The following TMOD2 variants were observed in gnomAD, a reference collection of about 807,000 sequenced individuals.
The protein encoded by TMOD2 is tropomodulin 2.
A neutral mutation model predicts 39.9 loss-of-function variants in TMOD2; 22 were observed. That is an observed-to-expected ratio of 0.55 (90% CI 0.39 to 0.79). TMOD2 has a LOEUF of 0.79. Among genes scored for constraint, TMOD2 ranks in the 30% least tolerant of loss-of-function variants. The probability of loss-of-function intolerance (pLI) is 0.00; values close to 1 mark genes in which losing one functional copy is unlikely to be tolerated. For missense variants in TMOD2, 386 were observed against 413.3 expected (o/e 0.93, Z 0.57); for synonymous variants, 123 against 146.1 (o/e 0.84, Z 1.14).
intron 7 of TMOD2, chr15:51,784,085 G>A (rs1282070325): frequency 6.6e-6 from 1 of 152,188 alleles, no homozygotes; most frequent in Non-Finnish European, 1.5e-5. Context: ...TGAGAAAACA[G>A]CTTCAGAGAG....
At position 51,754,913 on chromosome 15, in the gene TMOD2, A is replaced by G. The variant is rs1373558524; in HGVS notation, c.-70+3201A>G. Reference sequence around the variant, plus strand: ...ATCGTTACATGGAACCACCTTTGAGAAACTGCCTTTAATGCATTTTTGAGT... The same window carrying G: ...ATCGTTACATGGAACCACCTTTGAGGAACTGCCTTTAATGCATTTTTGAGT... On this transcript the variant is annotated intron_variant, in intron 1 of 9. Transcript: ENST00000249700. Among the ~76,000 whole-genome samples the G allele has an allele frequency of 3.3e-5, 5 of 152,384 alleles. No individual in the cohort carries two copies. The East Asian group carries it at 9.6e-4, about 29-fold the overall frequency.
chr15:51,792,986 C>T (rs1489168626), intron 7 of TMOD2, among the ~76,000 whole-genome samples: 1 of 151,980 alleles, frequency 6.6e-6, no homozygotes, highest in Admixed American at 6.6e-5. Flanking sequence ...GCATTCTGCA[C>T]ATGTAACCCA....
Position 51,781,140 on chromosome 15 carries a change from C to T in TMOD2, c.590C>T (p.Pro197Leu), listed in dbSNP as rs147446045. Residue 197 changes from proline to leucine, a missense_variant, in exon 6 of 10, where the codon CCT (proline) becomes CTT (leucine). By Grantham distance (98) the Pro-to-Leu change is moderately conservative. Coordinates refer to ENST00000249700, the MANE Select transcript of TMOD2 (RefSeq NM_014548.4). ...ISLQQMKANDPSLQEVNLNNI... is the reference protein window; with the variant it reads ...ISLQQMKANDLSLQEVNLNNI... ...CTGCAGCAGATGAAAGCCAATGATC[C>T]TAGCTTGCAAGAAGTCAACCTCAAC... 13 of 1,611,096 alleles carry T rather than the reference C, an allele frequency of 8.1e-6. No individual in the cohort carries two copies. Among genetic ancestry groups the T allele is most frequent in the Middle Eastern group, 1.7e-4 (1 of 6,054 alleles).
chr15:51,763,388 T>C (rs9635308), intron 1 of TMOD2, among the ~76,000 whole-genome samples: 24,042 of 152,264 alleles, frequency 0.16, 2,493 homozygotes, highest in East Asian at 0.54. Context: ...TGAAATGCAT[T>C]CATTAGTTGA....
chr15:51,815,941 C>G lies in TMOD2; in HGVS notation c.*7487C>G, dbSNP rs950566695. On this transcript the variant is annotated 3_prime_UTR_variant, in exon 10 of 10. Transcript: ENST00000249700. ...AAACAAGTGTTTAAACTTCTATTGG[C>G]AACATTTATTGGGCTAAGCAGTTAT... The G allele has an allele frequency of 6.6e-6, 1 of 152,114 alleles. No individual in the cohort carries two copies. Among genetic ancestry groups the G allele is most frequent in the Non-Finnish European group, 1.5e-5 (1 of 68,000 alleles). The allele number at this position is 152,114 out of a possible 1,614,324, so 9.4% of individuals were successfully genotyped here.
chr15:51,752,392 A>T (rs1417792450), intron 1 of TMOD2: 8 of 152,242 alleles, frequency 5.3e-5, no homozygotes, highest in Non-Finnish European at 1.2e-4. Context: ...TCTAATGGGA[A>T]TTTTTAGAGT....
In TMOD2 at chr15:51,766,441, C is replaced by A. The variant is rs1277722148; in HGVS notation, c.-1C>A. On this transcript the variant is annotated 5_prime_UTR_variant, in exon 2 of 10. Transcript: ENST00000249700. Reference sequence around the variant, plus strand: ...CCCATGAGAAAGGCTTATAAGAAGCCATGGCACTCCCCTTTCAAAAAGAGC... The same window carrying A: ...CCCATGAGAAAGGCTTATAAGAAGCAATGGCACTCCCCTTTCAAAAAGAGC... 8 of 1,613,516 alleles carry A rather than the reference C, an allele frequency of 5.0e-6. No individual in the cohort carries two copies. Among genetic ancestry groups the A allele is most frequent in the Admixed American group, 1.7e-5 (1 of 59,940 alleles).
chr15:51,795,724 C>G (rs1451760786), intron 7 of TMOD2, among the ~76,000 whole-genome samples: 2 of 150,912 alleles, frequency 1.3e-5, no homozygotes, highest in African/African-American at 4.9e-5. Context: ...TTTCTATCTT[C>G]ATCTTTTTGC....
At chr15:51,807,976 A>C (rs1567249992) in intron 9 of TMOD2, among the ~76,000 whole-genome samples, 1 of 152,178 alleles carries the variant, frequency 6.6e-6, no homozygotes, top group South Asian at 2.1e-4. Flanking sequence ...TTTTATTTAG[A>C]AGAGTTTCAG....
intron 8 of TMOD2, among the ~76,000 whole-genome samples, chr15:51,799,095 C>G (rs1398644681): frequency 6.6e-6 from 1 of 152,160 alleles, no homozygotes; most frequent in Non-Finnish European, 1.5e-5. Flanking sequence ...CTCCTGCCCA[C>G]AGACAGCAAC....
At chr15:51,772,820 G>A (rs1394906716) in intron 3 of TMOD2, among the ~76,000 whole-genome samples, 3 of 152,026 alleles carry the variant, frequency 2.0e-5, no homozygotes, top group Non-Finnish European at 4.4e-5. Flanking sequence ...GCGCTCCAGG[G>A]GATCACCAGT....
rs925392044 is a variant in TMOD2, at chr15:51,782,959, A to G, written c.732+131A>G. 49 of 705,678 alleles carry G rather than the reference A, an allele frequency of 6.9e-5. 1 individual carries two copies. The highest frequency in any genetic ancestry group is 1.1e-4 in the Non-Finnish European group (45 of 424,984). 43.7% of individuals were successfully genotyped at this position (705,678 alleles called of 1,614,324 possible). On this transcript the variant is annotated intron_variant, in intron 7 of 9. Coordinates refer to ENST00000249700, the MANE Select transcript of TMOD2 (RefSeq NM_014548.4). ...TTCTACACAGTTAGTGAGCAAAATTATAGTTACAATGCAATAGTTAAACTT... is the reference window on the plus strand; with the variant it reads ...TTCTACACAGTTAGTGAGCAAAATTGTAGTTACAATGCAATAGTTAAACTT...
chr15:51,814,339 T>C lies in TMOD2; in HGVS notation c.*5885T>C, dbSNP rs1206526861. 1 of 152,250 alleles carries C rather than the reference T, an allele frequency of 6.6e-6. No individual in the cohort carries two copies. Among genetic ancestry groups the C allele is most frequent in the Non-Finnish European group, 1.5e-5 (1 of 68,088 alleles). The allele number at this position is 152,250 out of a possible 1,614,324, so 9.4% of individuals were successfully genotyped here. ...CTGATAGATAGTGAAGGGGAGAAAGTGCCACCTGTTGTGAGATCACCTCTC... is the reference window on the plus strand; with the variant it reads ...CTGATAGATAGTGAAGGGGAGAAAGCGCCACCTGTTGTGAGATCACCTCTC... On this transcript the variant is annotated 3_prime_UTR_variant, in exon 10 of 10. Coordinates refer to ENST00000249700, the MANE Select transcript of TMOD2 (RefSeq NM_014548.4).
At chr15:51,760,941 C>A (rs1289748211) in intron 1 of TMOD2, among the ~76,000 whole-genome samples, 1 of 152,002 alleles carries the variant, frequency 6.6e-6, no homozygotes, top group Non-Finnish European at 1.5e-5. Flanking sequence ...CCACAGAGAG[C>A]AAATAAGCCA....
Position 51,768,378 on chromosome 15 carries a change from A to G in TMOD2, c.243A>G (p.Lys81=). 6.2e-7 allele frequency: 1 copy of G among 1,614,164 alleles called. No homozygotes were observed. The highest frequency in any genetic ancestry group is 8.5e-7 in the Non-Finnish European group (1 of 1,180,026). ...MYLEKEALEQ[K]DREDFVPFTG... is the part of the protein sequence containing the mutation. ...TGGAGAAGGAGGCTTTGGAACAGAAAGACAGAGAGGACTTTGTGCCCTTCA... is the reference window on the plus strand; with the variant it reads ...TGGAGAAGGAGGCTTTGGAACAGAAGGACAGAGAGGACTTTGTGCCCTTCA... Residue 81 remains lysine (K), a synonymous_variant, in exon 3 of 10, where the codon AAA becomes AAG. Transcript: ENST00000249700.
At chr15:51,773,435 A>G (rs12592771) in intron 3 of TMOD2, among the ~76,000 whole-genome samples, 28,068 of 152,188 alleles carry the variant, frequency 0.18, 3,227 homozygotes, top group Middle Eastern at 0.29. Flanking sequence ...AGTACTGCCA[A>G]TAAGAGGGGT....
intron 7 of TMOD2, 79 bp from the exon 8 acceptor site, chr15:51,798,118 T>A (rs1028765156): frequency 2.4e-6 from 3 of 1,276,346 alleles, no homozygotes; most frequent in Non-Finnish European, 3.2e-6. Flanking sequence ...TGTATTTAAT[T>A]TGGGAGTGAG....
In TMOD2 at chr15:51,777,174, A is replaced by G. The variant is rs139282255; in HGVS notation, c.493+156A>G. On this transcript the variant is annotated intron_variant, in intron 5 of 9. Coordinates refer to ENST00000249700, the MANE Select transcript of TMOD2 (RefSeq NM_014548.4). ...ATCAAACCAGAACAGAGCAGCTGACAATGAGAGCTCCATCTGGCGGTGAAA... is the reference window on the plus strand; with the variant it reads ...ATCAAACCAGAACAGAGCAGCTGACGATGAGAGCTCCATCTGGCGGTGAAA... Among the ~76,000 whole-genome samples the G allele has an allele frequency of 1.2e-3, 176 of 152,328 alleles. 1 individual carries two copies. Among genetic ancestry groups the G allele is most frequent in the African/African-American group, 4.1e-3 (171 of 41,578 alleles).
chr15:51,782,904 T>A, intron 7 of TMOD2, 76 bp downstream of exon 7: 2 of 1,402,536 alleles, frequency 1.4e-6, no homozygotes, highest in Non-Finnish European at 2.0e-6. Flanking sequence ...TTTCATTAGC[T>A]AACAATTTTT....
Sources: allele counts gnomAD v4.1 joint callset (sites outside exome capture counted in the v4.1 genomes callset), GRCh38; gene constraint gnomAD v4.1.1; transcripts MANE v1.5; gene names NCBI Gene and HGNC (gene_info 2026-07-23, HGNC 2026-07-21).